Variants in NBAS observed in about 807,000 individuals in gnomAD.
NBAS encodes NBAS subunit of NRZ tethering complex.
A neutral mutation model predicts 302.5 loss-of-function variants in NBAS; 219 were observed. The observed-to-expected ratio is 0.72, with a 90% CI of 0.65 to 0.81. The LOEUF (loss-of-function observed/expected upper bound fraction) is 0.81, where lower values mean the gene tolerates loss of function less well. Among genes scored for constraint, NBAS ranks in the 30% least tolerant of loss-of-function variants. The pLI is 0.00. For missense variants in NBAS, 2,932 were observed against 2,841.6 expected, an observed-to-expected ratio of 1.03 and a Z score of -0.72; for synonymous variants, 1,118 against 1,021.6, an observed-to-expected ratio of 1.09 and a Z score of -1.80.
At chr2:14,873,527 T>C in the NBAS span, among the ~76,000 whole-genome samples, 2 of 152,182 alleles carry the variant, frequency 1.3e-5, no homozygotes, top group Non-Finnish European at 2.9e-5. Context: ...AGAATATGCA[T>C]GCTTGTGCAC....
chr2:15,237,988 A>T lies in NBAS; in HGVS notation c.5943+480T>A, dbSNP rs9678752. Among the ~76,000 whole-genome samples, 8 of 151,764 alleles carry T rather than the reference A, an allele frequency of 5.3e-5. No homozygotes were observed. The East Asian group carries it at 1.6e-3, about 30-fold the overall frequency. ...GACGGGGTTTCACCATGTTGGTCAG[A>T]CTGGTCTCGAACTCCTGACCTTGTG... On this transcript the variant is annotated intron_variant, in intron 45 of 51. Coordinates refer to ENST00000281513, the MANE Select transcript of NBAS (RefSeq NM_015909.4).
chr2:15,184,889 A>G (rs1665004782), intron 50 of NBAS, among the ~76,000 whole-genome samples: 1 of 152,230 alleles, frequency 6.6e-6, no homozygotes, highest in African/African-American at 2.4e-5. Flanking sequence ...TATTTTAAAG[A>G]ACAAATAAAC....
chr2:15,272,383 T>G (rs536717005), intron 44 of NBAS, among the ~76,000 whole-genome samples: 2 of 152,360 alleles, frequency 1.3e-5, no homozygotes, highest in South Asian at 2.1e-4. Context: ...TCTGGTGTTT[T>G]GCAAATTTGG....
intron 44 of NBAS, among the ~76,000 whole-genome samples, chr2:15,254,854 G>A (rs1377162455): frequency 2.0e-5 from 3 of 152,196 alleles, no homozygotes; most frequent in African/African-American, 4.8e-5. Context: ...CCAGGTTGCT[G>A]AGAATGTCAT....
chr2:15,394,249 A>G lies in NBAS; in HGVS notation c.3235T>C (p.Leu1079=), dbSNP rs1235866223. The change falls in exon 28 of 52, where the codon TTG becomes CTG. Residue 1079 remains leucine, a synonymous_variant. Coordinates refer to ENST00000281513, the MANE Select transcript of NBAS (RefSeq NM_015909.4). ...CACTTCCGGCCAGTGTGCCTCGTCA[A>G]TCTAACCATCAGCTTGCGTGCCTCT... is the stretch of plus-strand genomic sequence containing the variant. ...SEEARKLMVR[L]TRHTGRKQPP... is the part of the protein sequence containing the mutation. 1 of 1,611,446 alleles carries G rather than the reference A, an allele frequency of 6.2e-7. No homozygotes were observed.
At chr2:14,879,716 A>G in the NBAS span, among the ~76,000 whole-genome samples, 2 of 152,306 alleles carry the variant, frequency 1.3e-5, no homozygotes, top group Admixed American at 6.5e-5. Flanking sequence ...CTAGAACACT[A>G]TGCTACAAAC....
chr2:15,202,524 ATTTAT>A (rs1665928800), intron 48 of NBAS, among the ~76,000 whole-genome samples: 1 of 28,486 alleles, frequency 3.5e-5, no homozygotes, highest in Non-Finnish European at 5.2e-5. Context: ...TTGTTTGTTT[ATTTAT>A]TTATTTATTT....
chr2:15,050,023 T>C, the NBAS span, among the ~76,000 whole-genome samples: 4 of 152,190 alleles, frequency 2.6e-5, no homozygotes, highest in Non-Finnish European at 4.4e-5. Context: ...AGCACAACTG[T>C]AATTTGAACA....
chr2:14,953,232 AGAGCAC>A, the NBAS span, among the ~76,000 whole-genome samples: 17 of 152,200 alleles, frequency 1.1e-4, no homozygotes, highest in Non-Finnish European at 2.9e-5. Context: ...AGGGAGAGAC[AGAGCAC>A]CATTTGGACT....
chr2:15,006,500 G>A, the NBAS span, among the ~76,000 whole-genome samples: 1 of 152,026 alleles, frequency 6.6e-6, no homozygotes, highest in African/African-American at 2.4e-5. Flanking sequence ...AATATTAATT[G>A]TATACACAAT....
the NBAS span, among the ~76,000 whole-genome samples, chr2:15,037,496 G>T: frequency 5.6e-4 from 85 of 152,208 alleles, no homozygotes; most frequent in Non-Finnish European, 1.1e-3. Flanking sequence ...GCTGCTCAGG[G>T]GTGGATATAT....
the NBAS span, among the ~76,000 whole-genome samples, chr2:15,035,115 G>GT: frequency 0.04 from 5,778 of 145,142 alleles, 159 homozygotes; most frequent in Non-Finnish European, 0.058. Context: ...GGGAGTGTGG[G>GT]GTTTTTTTTT....
intron 10 of NBAS, among the ~76,000 whole-genome samples, chr2:15,504,869 CA>C (rs1661767070): frequency 6.6e-6 from 1 of 152,014 alleles, no homozygotes; most frequent in Non-Finnish European, 1.5e-5. Flanking sequence ...GATCTATACA[CA>C]AAAGAATGAA....
the NBAS span, among the ~76,000 whole-genome samples, chr2:14,852,479 T>C: frequency 6.8e-5 from 7 of 102,950 alleles, 1 homozygote; most frequent in Admixed American, 6.4e-4. Flanking sequence ...GTAGGAAGAA[T>C]CAATATCGTG....
chr2:15,226,088 T>C (rs1426687829), intron 47 of NBAS, among the ~76,000 whole-genome samples: 1 of 152,154 alleles, frequency 6.6e-6, no homozygotes, highest in African/African-American at 2.4e-5. Flanking sequence ...AAGCACTGCT[T>C]TACTTTCCTG....
intron 47 of NBAS, among the ~76,000 whole-genome samples, chr2:15,220,030 G>T (rs1666867735): frequency 7.0e-6 from 1 of 143,710 alleles, no homozygotes; most frequent in Non-Finnish European, 1.5e-5. Context: ...CAGGCGGGGG[G>T]CTGATCCCCC....
the NBAS span, among the ~76,000 whole-genome samples, chr2:14,940,308 AT>A: frequency 6.6e-6 from 1 of 152,184 alleles, no homozygotes; most frequent in South Asian, 2.1e-4. Flanking sequence ...GTGAGTTCTC[AT>A]GAGATCTGTT....
At chr2:15,048,949 A>G in the NBAS span, among the ~76,000 whole-genome samples, 1 of 152,242 alleles carries the variant, frequency 6.6e-6, no homozygotes, top group East Asian at 1.9e-4. Flanking sequence ...AGAGGCTCCC[A>G]GCCCAGTCCA....
At chr2:15,204,201 G>C (rs975815688) in intron 48 of NBAS, among the ~76,000 whole-genome samples, 6 of 152,012 alleles carry the variant, frequency 3.9e-5, no homozygotes, top group African/African-American at 1.5e-4. Flanking sequence ...TGGGGCTGCA[G>C]CGAGCCACAA....
Sources: gnomAD v4.1 joint callset for allele counts (sites outside exome capture counted in the v4.1 genomes callset) on GRCh38, gnomAD v4.1.1 for gene constraint, MANE v1.5 for transcripts, NCBI Gene and HGNC (gene_info 2026-07-23, HGNC 2026-07-21) for gene names.